The following ROBO1 variants were observed in gnomAD, a reference collection of about 807,000 sequenced individuals.
The protein encoded by ROBO1 is roundabout guidance receptor 1.
A neutral mutation model predicts 195.9 loss-of-function variants in ROBO1; 149 were observed. The ratio of observed to expected loss-of-function variants is 0.76; its 90% CI spans 0.67 to 0.87. ROBO1 has a LOEUF of 0.87. ROBO1 is among the 40% of genes least tolerant of loss of function. ROBO1 has a pLI of 0.00. For synonymous variants in ROBO1, 816 were observed against 733.2 expected, an observed-to-expected ratio of 1.11 and a Z score of -1.82; for missense variants, 1,933 against 2,068.3, an observed-to-expected ratio of 0.93 and a Z score of 1.27.
At chr3:79,212,907 T>C (rs549178628) in intron 2 of ROBO1, among the ~76,000 whole-genome samples, 9 of 152,152 alleles carry the variant, frequency 5.9e-5, no homozygotes, top group African/African-American at 2.2e-4. Context: ...GTGTAGACTT[T>C]AGCAAATTCT....
intron 2 of ROBO1, among the ~76,000 whole-genome samples, chr3:79,389,488 G>T (rs1336545932): frequency 1.3e-5 from 2 of 152,070 alleles, no homozygotes; most frequent in African/African-American, 4.8e-5. Flanking sequence ...ATTGAGGAAA[G>T]AGGAAATAGA....
intron 2 of ROBO1, among the ~76,000 whole-genome samples, chr3:79,272,281 C>A (rs922173145): frequency 6.6e-6 from 1 of 151,832 alleles, no homozygotes; most frequent in African/African-American, 2.4e-5. Context: ...GAGTATAGTT[C>A]TATTATTACT....
intron 4 of ROBO1, among the ~76,000 whole-genome samples, chr3:78,760,993 A>C (rs2108366684): frequency 6.6e-6 from 1 of 152,262 alleles, no homozygotes; most frequent in African/African-American, 2.4e-5. Context: ...AATCCAAATC[A>C]AATTTAATTA....
intron 1 of ROBO1, among the ~76,000 whole-genome samples, chr3:79,674,628 C>A (rs1576212970): frequency 6.6e-6 from 1 of 151,968 alleles, no homozygotes; most frequent in East Asian, 1.9e-4. Flanking sequence ...AACCTATAAT[C>A]TTTGCACAGG....
chr3:79,674,803 G>C (rs1256461139), intron 1 of ROBO1, among the ~76,000 whole-genome samples: 2 of 149,628 alleles, frequency 1.3e-5, no homozygotes, highest in Admixed American at 1.3e-4. Context: ...TTTGTATCTG[G>C]TAATAGATCA....
intron 2 of ROBO1, among the ~76,000 whole-genome samples, chr3:79,429,043 C>T (rs1024703463): frequency 2.6e-5 from 4 of 152,094 alleles, no homozygotes; most frequent in Non-Finnish European, 5.9e-5. Flanking sequence ...GTGGTTACAT[C>T]ACTTTATGTA....
chr3:79,291,981 A>G (rs1181518123), intron 2 of ROBO1, among the ~76,000 whole-genome samples: 1 of 152,226 alleles, frequency 6.6e-6, no homozygotes, highest in African/African-American at 2.4e-5. Flanking sequence ...TGTAGAAACA[A>G]TAACAGAATC....
chr3:79,671,858 A>G (rs910375153), intron 1 of ROBO1, among the ~76,000 whole-genome samples: 2 of 151,914 alleles, frequency 1.3e-5, no homozygotes. Context: ...TAATGCCTTT[A>G]TTACTCATAA....
Position 78,681,421 on chromosome 3 carries a change from G to A in ROBO1, c.1342+4325C>T, listed in dbSNP as rs368846020. ...ATTTAATTTGACTAGAGAGACATAGGTCCTGCCTTCATGGAACTTAATGTC... is the reference window on the plus strand; with the variant it reads ...ATTTAATTTGACTAGAGAGACATAGATCCTGCCTTCATGGAACTTAATGTC... On this transcript the variant is annotated intron_variant, in intron 10 of 30. Transcript: ENST00000464233. Among the ~76,000 whole-genome samples the A allele has an allele frequency of 1.5e-4, 23 of 152,296 alleles. No homozygotes were observed. The East Asian group carries it at 3.5e-3, about 23-fold the overall frequency.
At chr3:79,732,038 A>T (rs1703170175) in intron 1 of ROBO1, among the ~76,000 whole-genome samples, 1 of 152,150 alleles carries the variant, frequency 6.6e-6, no homozygotes, top group Admixed American at 6.5e-5. Context: ...AGTGTGGTCT[A>T]TAAAACATAT....
At chr3:78,983,064 C>T (rs966357998) in intron 3 of ROBO1, among the ~76,000 whole-genome samples, 2 of 152,168 alleles carry the variant, frequency 1.3e-5, no homozygotes, top group South Asian at 2.1e-4. Context: ...TGAACCACCA[C>T]ACCAAGCTAA....
intron 2 of ROBO1, 39 bp from the exon 3 acceptor site, chr3:79,125,578 G>A (rs1295435337): frequency 1.4e-6 from 2 of 1,470,190 alleles, no homozygotes; most frequent in Admixed American, 1.7e-5. Flanking sequence ...TGGGGTCACA[G>A]TAGTAACAGT....
chr3:79,753,035 G>T (rs1704205429), intron 1 of ROBO1, among the ~76,000 whole-genome samples: 1 of 152,032 alleles, frequency 6.6e-6, no homozygotes. Context: ...GTGGGAATGA[G>T]GGCAGACAAA....
At chr3:79,326,503 G>A (rs62259735) in intron 2 of ROBO1, among the ~76,000 whole-genome samples, 2,692 of 152,204 alleles carry the variant, frequency 0.018, 28 homozygotes, top group Non-Finnish European at 0.029. Context: ...TATCAGGGCA[G>A]GTTCCCCAAT....
At chr3:79,340,772 T>A (rs778827711) in intron 2 of ROBO1, among the ~76,000 whole-genome samples, 3 of 152,212 alleles carry the variant, frequency 2.0e-5, no homozygotes, top group Non-Finnish European at 2.9e-5. Context: ...TCATAAAATC[T>A]GCAGAGTGCT....
At chr3:79,237,425 G>A (rs2108869087) in intron 2 of ROBO1, among the ~76,000 whole-genome samples, 1 of 151,654 alleles carries the variant, frequency 6.6e-6, no homozygotes, top group Admixed American at 6.6e-5. Flanking sequence ...AGCTTGCAGT[G>A]AGCCGAGATT....
intron 1 of ROBO1, among the ~76,000 whole-genome samples, chr3:79,757,503 C>CCATATATATATATATATATATA (rs369407395): frequency 3.4e-5 from 5 of 145,226 alleles, no homozygotes; most frequent in African/African-American, 1.4e-4. Context: ...CTCTCTCTCT[C>CCATATATATATATATATATATA]TCTCTCCATA....
intron 2 of ROBO1, among the ~76,000 whole-genome samples, chr3:79,288,396 G>C (rs913181535): frequency 3.3e-5 from 5 of 152,080 alleles, no homozygotes; most frequent in African/African-American, 1.2e-4. Flanking sequence ...CAGTTATTGA[G>C]ATGAAAGAAA....
At chr3:78,823,372 C>G (rs1224909549) in intron 4 of ROBO1, among the ~76,000 whole-genome samples, 1 of 152,024 alleles carries the variant, frequency 6.6e-6, no homozygotes, top group Non-Finnish European at 1.5e-5. Flanking sequence ...TAATAGAGTA[C>G]TCGAAACTTA....
Sources: gnomAD v4.1 joint callset for allele counts (sites outside exome capture counted in the v4.1 genomes callset) on GRCh38, gnomAD v4.1.1 for gene constraint, MANE v1.5 for transcripts, NCBI Gene and HGNC (gene_info 2026-07-23, HGNC 2026-07-21) for gene names.